Variants in FLT1 observed in about 807,000 individuals in gnomAD.
FLT1 encodes the protein vascular endothelial growth factor receptor 1.
Under a neutral mutation model 156.3 loss-of-function variants are expected in FLT1, and 49 were observed. That is an observed-to-expected ratio of 0.31 (90% CI 0.25 to 0.40). The LOEUF (loss-of-function observed/expected upper bound fraction) is 0.40, where lower values mean the gene tolerates loss of function less well. FLT1 is among the 10% of genes least tolerant of loss of function. The probability of loss-of-function intolerance (pLI) is 1.00; values close to 1 mark genes in which losing one functional copy is unlikely to be tolerated. For missense variants in FLT1, 1,322 were observed against 1,637.2 expected, an observed-to-expected ratio of 0.81 and a Z score of 3.32; for synonymous variants, 594 against 583.8, an observed-to-expected ratio of 1.02 and a Z score of -0.25.
At chr13:28,460,891 A>C (rs1340739320) in intron 3 of FLT1, among the ~76,000 whole-genome samples, 1 of 152,120 alleles carries the variant, frequency 6.6e-6, no homozygotes, top group African/African-American at 2.4e-5. Flanking sequence ...AAATTGAAAC[A>C]AAAATAGTTT....
intron 14 of FLT1, among the ~76,000 whole-genome samples, chr13:28,362,878 C>A (rs2137417613): frequency 6.6e-6 from 1 of 152,260 alleles, no homozygotes; most frequent in South Asian, 2.1e-4. Context: ...AGGCAAAGCT[C>A]TTCTTTCTGA....
Position 28,321,447 on chromosome 13 carries a change from C to G in FLT1, c.3174+16G>C. On this transcript the variant is annotated intron_variant, in intron 23 of 29. Coordinates refer to ENST00000282397, the MANE Select transcript of FLT1 (RefSeq NM_002019.4). Reference sequence around the variant, plus strand: ...ATAGGACACACATGAGTCAAATAAACATCAAACTGACTTACATCTCCTTTT... The same window carrying G: ...ATAGGACACACATGAGTCAAATAAAGATCAAACTGACTTACATCTCCTTTT... 6.2e-7 allele frequency: 1 copy of G among 1,613,526 alleles called. No individual in the cohort carries two copies. Among genetic ancestry groups the G allele is most frequent in the Non-Finnish European group, 8.5e-7 (1 of 1,179,884 alleles).
At chr13:28,335,652 C>CT (rs1344526440) in intron 17 of FLT1, among the ~76,000 whole-genome samples, 1 of 152,212 alleles carries the variant, frequency 6.6e-6, no homozygotes, top group Non-Finnish European at 1.5e-5. Context: ...CTCTGTGTGG[C>CT]TGTCTGCAGG....
intron 16 of FLT1, among the ~76,000 whole-genome samples, chr13:28,342,209 T>C (rs1439059280): frequency 1.3e-5 from 2 of 152,098 alleles, no homozygotes; most frequent in African/African-American, 4.8e-5. Flanking sequence ...TCTACTGTGC[T>C]CCTCTATGCT....
At chr13:28,441,153 A>G (rs1295689132) in intron 3 of FLT1, among the ~76,000 whole-genome samples, 1 of 152,152 alleles carries the variant, frequency 6.6e-6, no homozygotes, top group Non-Finnish European at 1.5e-5. Flanking sequence ...CCGGTATATG[A>G]CTTTCCTCTG....
intron 14 of FLT1, among the ~76,000 whole-genome samples, chr13:28,374,656 C>T (rs1180573080): frequency 2.6e-5 from 4 of 151,686 alleles, no homozygotes; most frequent in Non-Finnish European, 4.4e-5. Context: ...CGACTACAGG[C>T]GCCCACTACC....
chr13:28,467,170 G>A, intron 2 of FLT1, 41 bp from the exon 3 acceptor site: 6 of 1,456,926 alleles, frequency 4.1e-6, no homozygotes, highest in Non-Finnish European at 5.8e-6. Context: ...TTTATGGCTG[G>A]GCCCTAGGCT....
intron 20 of FLT1, among the ~76,000 whole-genome samples, chr13:28,324,336 C>T (rs1871592440): frequency 6.6e-6 from 1 of 152,174 alleles, no homozygotes; most frequent in African/African-American, 2.4e-5. Flanking sequence ...CCGCGTACCC[C>T]ATCCTTCCTG....
Position 28,405,885 on chromosome 13 carries a change from A to G in FLT1, c.1446T>C (p.Phe482=). The change falls in exon 11 of 30, where the codon TTT becomes TTC. Residue 482 remains phenylalanine (F), a synonymous_variant. Coordinates refer to ENST00000282397, the MANE Select transcript of FLT1 (RefSeq NM_002019.4). ...TAAAGGACTCTTCATTATTGGAACA[A>G]AAGTCACACCTATTAAAAAAAAAAG... is the stretch of plus-strand genomic sequence containing the variant. ...NHNHSEARCD[F]CSNNEESFIL... is the part of the protein sequence containing the mutation. 2 of 1,589,740 alleles carry G rather than the reference A, an allele frequency of 1.3e-6. No homozygotes were observed. Among genetic ancestry groups the G allele is most frequent in the Non-Finnish European group, 1.7e-6 (2 of 1,161,498 alleles).
At chr13:28,360,918 T>G (rs1469803188) in intron 14 of FLT1, among the ~76,000 whole-genome samples, 1 of 152,240 alleles carries the variant, frequency 6.6e-6, no homozygotes, top group Non-Finnish European at 1.5e-5. Flanking sequence ...ATTGTATACA[T>G]GTATTAATAT....
chr13:28,330,704 CTTTTTATTTTTTA>C (rs1310091035), intron 18 of FLT1, among the ~76,000 whole-genome samples: 2 of 150,078 alleles, frequency 1.3e-5, no homozygotes, highest in Non-Finnish European at 3.0e-5. Context: ...CTTTTTATTT[CTTTTTATTTTTTA>C]TTTTTATTTT....
chr13:28,453,661 T>C (rs1879107428), intron 3 of FLT1, among the ~76,000 whole-genome samples: 1 of 152,346 alleles, frequency 6.6e-6, no homozygotes, highest in Middle Eastern at 3.4e-3. Flanking sequence ...AATTTTGGGA[T>C]CGTGATTTAG....
intron 3 of FLT1, among the ~76,000 whole-genome samples, chr13:28,460,536 T>A (rs1024569548): frequency 6.6e-6 from 1 of 151,640 alleles, no homozygotes; most frequent in Non-Finnish European, 1.5e-5. Context: ...AGTTCAGGAG[T>A]GAAATGAGTG....
chr13:28,371,324 A>T (rs559843563), intron 14 of FLT1, among the ~76,000 whole-genome samples: 1 of 152,244 alleles, frequency 6.6e-6, no homozygotes, highest in Admixed American at 6.5e-5. Flanking sequence ...CAAAAATATT[A>T]AATGGAAAAT....
chr13:28,343,016 TC>T (rs1393989711), intron 16 of FLT1, among the ~76,000 whole-genome samples: 1 of 152,116 alleles, frequency 6.6e-6, no homozygotes, highest in Non-Finnish European at 1.5e-5. Flanking sequence ...TCTCACTGTG[TC>T]ACCCAGGCTA....
At position 28,306,677 on chromosome 13, in the gene FLT1, C is replaced by G. The variant is rs766274194; in HGVS notation, c.3815+1G>C. The G allele has an allele frequency of 6.2e-7, 1 of 1,606,596 alleles. No homozygotes were observed. The highest frequency in any genetic ancestry group is 8.5e-7 in the Non-Finnish European group (1 of 1,173,242). On this transcript the variant is annotated splice_donor_variant, in intron 29 of 29. Transcript: ENST00000282397. LOFTEE classifies it high-confidence loss of function. ...TCACAGAAAAGATACCCAATTCTTA[C>G]TCAATCTTGAGCGAGGCCTTGGGTT...
At chr13:28,424,183 C>T (rs1329323712) in intron 10 of FLT1, among the ~76,000 whole-genome samples, 1 of 151,898 alleles carries the variant, frequency 6.6e-6, no homozygotes, top group Non-Finnish European at 1.5e-5. Flanking sequence ...AGGTGATCCT[C>T]CTGCCTTGGC....
chr13:28,493,290 T>A lies in FLT1; in HGVS notation c.64+1490A>T, dbSNP rs76842134. Among the ~76,000 whole-genome samples the A allele has an allele frequency of 8.3e-4, 127 of 152,376 alleles. 3 individuals are homozygous for A. In the East Asian group the frequency reaches 0.023, roughly 28 times the overall value. On this transcript the variant is annotated intron_variant, in intron 1 of 29. Transcript: ENST00000282397. ...ACAAGTGACTTTTCAAAACAAAAAA[T>A]GTATTTGTGAAATAGAAAATACAAC...
Position 28,317,572 on chromosome 13 carries a change from T to C in FLT1, c.3312A>G (p.Gln1104=). ...GGCGACTGCAAAAGTCCTCATCCAT[T>C]TGTACTCCTGGGTATGGAGACCCAC... The part of the protein sequence containing the change: ...SLGGSPYPGV[Q]MDEDFCSRLR... The change falls in exon 25 of 30, where the codon CAA becomes CAG. Residue 1104 remains glutamine (Q), a synonymous_variant. Transcript: ENST00000282397. 1 of 1,613,890 alleles carries C rather than the reference T, an allele frequency of 6.2e-7. No individual in the cohort carries two copies. The highest frequency in any genetic ancestry group is 8.5e-7 in the Non-Finnish European group (1 of 1,179,780).
Sources: allele counts gnomAD v4.1 joint callset (sites outside exome capture counted in the v4.1 genomes callset), GRCh38; gene constraint gnomAD v4.1.1; transcripts MANE v1.5; gene names NCBI Gene and HGNC (gene_info 2026-07-23, HGNC 2026-07-21).